Variants in PRR14 observed in about 807,000 individuals in gnomAD.
The protein encoded by PRR14 is proline-rich protein 14.
A neutral mutation model predicts 57.2 loss-of-function variants in PRR14; 33 were observed. The observed-to-expected ratio is 0.58, with a 90% CI of 0.44 to 0.77. The LOEUF is 0.77. PRR14 is among the 30% of genes least tolerant of loss of function. The pLI, the probability that PRR14 is intolerant of heterozygous loss-of-function variation, is 0.00. For missense variants in PRR14, 716 were observed against 788.1 expected, an observed-to-expected ratio of 0.91 and a Z score of 1.10; for synonymous variants, 303 against 314.7, an observed-to-expected ratio of 0.96 and a Z score of 0.39.
rs1403100011 is a variant in PRR14 at position 30,655,515 on chromosome 16, T to C, written c.1328T>C (p.Val443Ala). The C allele has an allele frequency of 1.2e-6, 2 of 1,614,052 alleles. No homozygotes were observed. The highest frequency in any genetic ancestry group is 1.1e-5 in the South Asian group (1 of 91,074). Reference protein sequence around the residue: ...SEPETKTMGKVSRFRIRRTPA... With the variant: ...SEPETKTMGKASRFRIRRTPA... ...CCATTTTTGCAGACCATGGGAAAGG[T>C]TTCTCGATTCAGAATACGCAGAACA... The change falls in exon 10 of 12, where the codon GTT becomes GCT. Residue 443 changes from valine (V) to alanine (A), a missense_variant. Coordinates refer to ENST00000300835, the MANE Select transcript of PRR14 (RefSeq NM_024031.5). This position sits in a 1 kb window ranked among gnomAD's most constrained non-coding sequence, Gnocchi z 4.6.
At chr16:30,654,144 G>T in intron 6 of PRR14, 86 bp from the exon 7 acceptor site, 41 of 771,430 alleles carry the variant, frequency 5.3e-5, no homozygotes, top group Non-Finnish European at 7.0e-5. Context: ...AAAAAAAAAA[G>T]AAGAAGCCTT....
rs771799463 is a variant in PRR14 at position 30,656,251 on chromosome 16, G to C, written c.1698G>C (p.Glu566Asp). 1 of 1,613,250 alleles carries C rather than the reference G, an allele frequency of 6.2e-7. No homozygotes were observed. The highest frequency in any genetic ancestry group is 1.1e-5 in the South Asian group (1 of 91,080). The stretch of plus-strand genomic sequence containing the variant: ...CCCTGCTCCAGCAGCGGCTGGAGGA[G>C]CTAGATGCCTTGCTCCTGGAGGAAG... ...VGPLLQQRLE[E>D]LDALLLEEET... Residue 566 changes from glutamate to aspartate, a missense_variant, in exon 12 of 12, where the codon GAG (glutamate) becomes GAC (aspartate). Physicochemically the swap from Glu to Asp is conservative, Grantham distance 45. Transcript: ENST00000300835.
chr16:30,654,113 AG>A (rs1435637727), intron 6 of PRR14, 116 bp from the exon 7 acceptor site: 5 of 729,716 alleles, frequency 6.9e-6, no homozygotes, highest in Admixed American at 4.4e-5. Context: ...TGGGCCACAG[AG>A]CAAGGCTCTG....
rs1380383419 is a variant in PRR14 at position 30,651,451 on chromosome 16, C to G, written c.-50-145C>G. 1 of 493,280 alleles carries G rather than the reference C, an allele frequency of 2.0e-6. No homozygotes were observed. The highest frequency in any genetic ancestry group is 3.5e-6 in the Non-Finnish European group (1 of 281,756). 30.6% of individuals were successfully genotyped at this position (493,280 alleles called of 1,614,324 possible). On this transcript the variant is annotated intron_variant, in intron 1 of 11. Coordinates refer to ENST00000300835, the MANE Select transcript of PRR14 (RefSeq NM_024031.5). The surrounding 1 kb of genome is among the most constrained non-coding windows in gnomAD (Gnocchi z 5.0). Reference sequence around the variant, plus strand: ...CGGTGGCAGCGGGAGGACACCCGCTCCGGGCGACCGGCCGGGGGCGCCCTT... The same window carrying G: ...CGGTGGCAGCGGGAGGACACCCGCTGCGGGCGACCGGCCGGGGGCGCCCTT...
Position 30,655,506 on chromosome 16 carries a change from T to C in PRR14, c.1319T>C (p.Met440Thr), listed in dbSNP as rs1274441551. Residue 440 changes from methionine to threonine, a missense_variant, in exon 10 of 12, where the codon ATG (methionine) becomes ACG (threonine). Physicochemically the swap from Met to Thr is moderately conservative, Grantham distance 81. Transcript: ENST00000300835. The surrounding 1 kb of genome is among the most constrained non-coding windows in gnomAD (Gnocchi z 4.6). Reference sequence around the variant, plus strand: ...CCCTCTGCCCCATTTTTGCAGACCATGGGAAAGGTTTCTCGATTCAGAATA... The same window carrying C: ...CCCTCTGCCCCATTTTTGCAGACCACGGGAAAGGTTTCTCGATTCAGAATA... ...QVLSEPETKTMGKVSRFRIRR... is the reference protein window; with the variant it reads ...QVLSEPETKTTGKVSRFRIRR... 2.5e-6 allele frequency: 4 copies of C among 1,614,178 alleles called. No homozygotes were observed. In the Admixed American group the frequency reaches 5.0e-5, roughly 20 times the overall value.
chr16:30,652,231 TC>T, intron 3 of PRR14: 1 of 614,580 alleles, frequency 1.6e-6, no homozygotes, highest in Non-Finnish European at 2.9e-6. Context: ...TTTTTTTCTA[TC>T]TTTTTTTTTT....
Position 30,651,870 on chromosome 16 carries a change from C to A in PRR14, c.98C>A (p.Pro33Gln). The A allele has an allele frequency of 6.2e-7, 1 of 1,607,134 alleles. No homozygotes were observed. The highest frequency in any genetic ancestry group is 1.1e-5 in the South Asian group (1 of 90,824). The part of the protein sequence containing the change: ...ALWGARSPKR[P>Q]RLQLPGAPSP... ...TGGGGAGCCAGGAGCCCGAAACGGCCGAGGCTGCAGCTCCCGGGGGCCCCT... is the reference window on the plus strand; with the variant it reads ...TGGGGAGCCAGGAGCCCGAAACGGCAGAGGCTGCAGCTCCCGGGGGCCCCT... Residue 33 changes from proline to glutamine, a missense_variant, in exon 3 of 12, where the codon CCG becomes CAG. Transcript: ENST00000300835. This position sits in a 1 kb window ranked among gnomAD's most constrained non-coding sequence, Gnocchi z 5.0.
At chr16:30,652,056 C>A in intron 3 of PRR14, 92 bp downstream of exon 3, 2 of 1,356,576 alleles carry the variant, frequency 1.5e-6, no homozygotes, top group Non-Finnish European at 1.0e-6. Flanking sequence ...TAACTGAAGT[C>A]CAAATCCATC....
chr16:30,655,947 A>G lies in PRR14; in HGVS notation c.1478+8A>G. The G allele has an allele frequency of 6.2e-7, 1 of 1,613,822 alleles. No homozygotes were observed. The highest frequency in any genetic ancestry group is 8.5e-7 in the Non-Finnish European group (1 of 1,179,768). ...ATCACCCACAACCAGGAGGTGAGAC[A>G]CTTGGAAGGCTAGAGGGTGGCAGAG... On this transcript the variant is annotated splice_region_variant and intron_variant, in intron 11 of 11. Coordinates refer to ENST00000300835, the MANE Select transcript of PRR14 (RefSeq NM_024031.5). This position sits in a 1 kb window ranked among gnomAD's most constrained non-coding sequence, Gnocchi z 4.6.
At chr16:30,654,588 C>A (rs774402100) in intron 7 of PRR14, 41 bp from the exon 8 acceptor site, 3 of 1,494,226 alleles carry the variant, frequency 2.0e-6, no homozygotes, top group Non-Finnish European at 1.8e-6. Flanking sequence ...TGAGACACTG[C>A]AGCCAAGGAA....
chr16:30,653,296 AAG>A, intron 5 of PRR14, 67 bp from the exon 6 acceptor site: 1 of 1,539,068 alleles, frequency 6.5e-7, no homozygotes, highest in Non-Finnish European at 9.0e-7. Context: ...CGGGAACTGA[AAG>A]AGTCAGGATG....
chr16:30,651,991 C>T lies in PRR14; in HGVS notation c.192+27C>T. The T allele has an allele frequency of 6.6e-7, 1 of 1,519,952 alleles. No homozygotes were observed. 94.2% of individuals were successfully genotyped at this position (1,519,952 alleles called of 1,614,324 possible). On this transcript the variant is annotated intron_variant, in intron 3 of 11. Transcript: ENST00000300835. This position sits in a 1 kb window ranked among gnomAD's most constrained non-coding sequence, Gnocchi z 5.0. ...TGAGCCCCCTGAACCAAGAGACTCT[C>T]TATTCCCCCATGACTTTCCTCACTA...
chr16:30,653,240 C>A (rs760032294), intron 5 of PRR14, 125 bp from the exon 6 acceptor site: 85 of 1,384,490 alleles, frequency 6.1e-5, no homozygotes, highest in Non-Finnish European at 7.9e-5. Flanking sequence ...ACTGCCTGAG[C>A]AAAGACTATA....
chr16:30,650,978 G>T lies in PRR14; in HGVS notation c.-200G>T. The T allele has an allele frequency of 2.2e-6, 1 of 454,352 alleles. No individual in the cohort carries two copies. Among genetic ancestry groups the T allele is most frequent in the Non-Finnish European group, 4.4e-6 (1 of 225,104 alleles). 28.1% of individuals were successfully genotyped at this position (454,352 alleles called of 1,614,324 possible). A position where few individuals can be genotyped will look rare whatever the true frequency, so the allele number is the denominator to read the frequency against. On this transcript the variant is annotated 5_prime_UTR_variant, in exon 1 of 12. Transcript: ENST00000300835. ...ACCTCCCGGGATTGGAGTGAAGAGG[G>T]TATCTGCTTGACAGTGGATCCCTGG... is the stretch of plus-strand genomic sequence containing the variant.
At chr16:30,652,292 A>G (rs900716237) in intron 3 of PRR14, 15 of 576,108 alleles carry the variant, frequency 2.6e-5, no homozygotes, top group Non-Finnish European at 4.6e-5. Context: ...TCAAACTGGC[A>G]TCAAGCGATC....
Position 30,655,495 on chromosome 16 carries a change from T to G in PRR14, c.1315-7T>G. ...TCACTCTTTCACCCTCTGCCCCATT[T>G]TTGCAGACCATGGGAAAGGTTTCTC... On this transcript the variant is annotated splice_region_variant and splice_polypyrimidine_tract_variant and intron_variant, in intron 9 of 11. Coordinates refer to ENST00000300835, the MANE Select transcript of PRR14 (RefSeq NM_024031.5). The surrounding 1 kb of genome is among the most constrained non-coding windows in gnomAD (Gnocchi z 4.6). The G allele has an allele frequency of 6.2e-7, 1 of 1,614,170 alleles. No homozygotes were observed. The highest frequency in any genetic ancestry group is 2.2e-5 in the East Asian group (1 of 44,874).
Position 30,651,096 on chromosome 16 carries a change from C to T in PRR14, c.-82C>T. The T allele has an allele frequency of 4.4e-6, 2 of 453,364 alleles. No homozygotes were observed. The highest frequency in any genetic ancestry group is 3.1e-5 in the South Asian group (2 of 64,470). 28.1% of individuals were successfully genotyped at this position (453,364 alleles called of 1,614,324 possible). A position where few individuals can be genotyped will look rare whatever the true frequency, so the allele number is the denominator to read the frequency against. On this transcript the variant is annotated 5_prime_UTR_variant, in exon 1 of 12. Transcript: ENST00000300835. This position sits in a 1 kb window ranked among gnomAD's most constrained non-coding sequence, Gnocchi z 5.0. Reference sequence around the variant, plus strand: ...TGAAGCTTACAGGGGAAGGAAAAGCCTCGCCCGGCGTCTGATTGGCGGAAC... The same window carrying T: ...TGAAGCTTACAGGGGAAGGAAAAGCTTCGCCCGGCGTCTGATTGGCGGAAC...
At chr16:30,653,455 A>G (rs765328522) in intron 6 of PRR14, 47 bp downstream of exon 6, 1 of 1,574,610 alleles carries the variant, frequency 6.4e-7, no homozygotes, top group East Asian at 2.2e-5. Context: ...GGCAACAGCC[A>G]TCATCCAGGT....
At chr16:30,653,792 G>A (rs1330260427) in intron 6 of PRR14, among the ~76,000 whole-genome samples, 9 of 152,018 alleles carry the variant, frequency 5.9e-5, no homozygotes, top group African/African-American at 1.2e-4. Context: ...TCAGCCTCCC[G>A]AGTAGCTGGG....
Sources: allele counts gnomAD v4.1 joint callset (sites outside exome capture counted in the v4.1 genomes callset), GRCh38; gene constraint gnomAD v4.1.1; non-coding constraint Gnocchi (gnomAD v3.1); transcripts MANE v1.5; gene names NCBI Gene and HGNC (gene_info 2026-07-23, HGNC 2026-07-21).